Variants in KANSL1 observed in about 807,000 individuals in gnomAD.
The protein encoded by KANSL1 is MLL1/MLL complex subunit KANSL1.
KANSL1 carries 22 observed loss-of-function variants against 103.6 expected under a neutral mutation model. That is an observed-to-expected ratio of 0.21 (90% CI 0.15 to 0.30). KANSL1 has a LOEUF of 0.30. Among genes scored for constraint, KANSL1 ranks in the 10% least tolerant of loss-of-function variants. The pLI is 1.00. For missense variants in KANSL1, 1,337 were observed against 1,399.8 expected (o/e 0.96, Z 0.72); for synonymous variants, 600 against 527.6 (o/e 1.14, Z -1.88).
At chr17:46,117,340 T>C (rs2043088069) in intron 2 of KANSL1, among the ~76,000 whole-genome samples, 1 of 152,212 alleles carries the variant, frequency 6.6e-6, no homozygotes, top group African/African-American at 2.4e-5. Flanking sequence ...GACTTATGGG[T>C]GAAGAAACTA....
chr17:46,114,901 T>C (rs2042977170), intron 2 of KANSL1, among the ~76,000 whole-genome samples: 1 of 152,226 alleles, frequency 6.6e-6, no homozygotes, highest in Non-Finnish European at 1.5e-5. Flanking sequence ...TAGATGAGGT[T>C]TAGAACAATT....
chr17:46,079,607 T>C (rs2078909967), intron 4 of KANSL1, among the ~76,000 whole-genome samples: 1 of 152,234 alleles, frequency 6.6e-6, no homozygotes, highest in South Asian at 2.1e-4. Context: ...TTCCTTTTTA[T>C]CTGGTATTAA....
intron 2 of KANSL1, among the ~76,000 whole-genome samples, chr17:46,139,061 G>A (rs2044290395): frequency 6.6e-6 from 1 of 152,142 alleles, no homozygotes; most frequent in Non-Finnish European, 1.5e-5. Context: ...AGAAACTAGT[G>A]CCAATTCATT....
At chr17:46,102,257 C>CT (rs372702592) in intron 2 of KANSL1, among the ~76,000 whole-genome samples, 2,901 of 150,236 alleles carry the variant, frequency 0.019, 94 homozygotes, top group African/African-American at 0.065. Flanking sequence ...AGAGCCAATA[C>CT]TTTTTTTTTT....
intron 3 of KANSL1, among the ~76,000 whole-genome samples, chr17:46,086,559 G>A (rs8070647): frequency 0.029 from 4,369 of 152,160 alleles, 219 homozygotes; most frequent in African/African-American, 0.1. Flanking sequence ...CTAATACTGC[G>A]GCAAAGAAAA....
At chr17:46,160,964 A>C (rs2045703807) in intron 2 of KANSL1, among the ~76,000 whole-genome samples, 1 of 152,214 alleles carries the variant, frequency 6.6e-6, no homozygotes, top group Non-Finnish European at 1.5e-5. Context: ...GTAAAATTAA[A>C]ATTATCTATC....
chr17:46,217,065 A>C (rs576829319), intron 1 of KANSL1, among the ~76,000 whole-genome samples: 1 of 151,270 alleles, frequency 6.6e-6, no homozygotes, highest in African/African-American at 2.4e-5. Context: ...CAGTGATCCA[A>C]GTGCCACTGC....
intron 1 of KANSL1, among the ~76,000 whole-genome samples, chr17:46,203,830 A>G (rs1337879524): frequency 1.3e-5 from 2 of 152,270 alleles, no homozygotes; most frequent in Non-Finnish European, 2.9e-5. Flanking sequence ...GTAAGGATCT[A>G]AAGTTCTATA....
At chr17:46,066,816 C>T in intron 5 of KANSL1, 84 bp from the exon 6 acceptor site, 1 of 961,704 alleles carries the variant, frequency 1.0e-6, no homozygotes, top group Non-Finnish European at 1.5e-6. Flanking sequence ...AGAAACAAAG[C>T]CTCTTATACT....
intron 2 of KANSL1, among the ~76,000 whole-genome samples, chr17:46,120,469 T>A (rs1023603288): frequency 6.6e-6 from 1 of 152,178 alleles, no homozygotes; most frequent in African/African-American, 2.4e-5. Context: ...GGAGGTCTAC[T>A]GTGGATATAT....
chr17:46,133,747 C>T (rs763104334), intron 2 of KANSL1, among the ~76,000 whole-genome samples: 19 of 152,120 alleles, frequency 1.2e-4, no homozygotes, highest in African/African-American at 3.6e-4. Flanking sequence ...GGTAGGGGCG[C>T]GACTCATGAA....
At chr17:46,099,555 A>G (rs924087911) in intron 2 of KANSL1, among the ~76,000 whole-genome samples, 8 of 152,248 alleles carry the variant, frequency 5.3e-5, no homozygotes, top group African/African-American at 1.7e-4. Flanking sequence ...TACTTTAAAT[A>G]CAATGAGGAC....
intron 6 of KANSL1, among the ~76,000 whole-genome samples, chr17:46,061,956 G>A (rs2078173711): frequency 6.6e-6 from 1 of 151,908 alleles, no homozygotes; most frequent in Admixed American, 6.6e-5. Flanking sequence ...GCCAGGCGTC[G>A]TCGTGGGTGC....
chr17:46,130,627 C>T (rs1038927126), intron 2 of KANSL1, among the ~76,000 whole-genome samples: 2 of 152,128 alleles, frequency 1.3e-5, no homozygotes. Context: ...ATTTTTTAAC[C>T]GAACACTACA....
intron 2 of KANSL1, among the ~76,000 whole-genome samples, chr17:46,163,704 AC>A (rs1444818162): frequency 6.6e-6 from 1 of 152,122 alleles, no homozygotes; most frequent in African/African-American, 2.4e-5. Flanking sequence ...AACTTCAATC[AC>A]CTATGATGAT....
intron 6 of KANSL1, among the ~76,000 whole-genome samples, chr17:46,060,700 T>C (rs747318254): frequency 2.0e-5 from 3 of 152,208 alleles, no homozygotes; most frequent in Non-Finnish European, 2.9e-5. Context: ...TCCTCAACCA[T>C]GGTGTCATGA....
At chr17:46,102,172 CA>C (rs1479235325) in intron 2 of KANSL1, among the ~76,000 whole-genome samples, 2 of 152,356 alleles carry the variant, frequency 1.3e-5, no homozygotes, top group East Asian at 3.8e-4. Context: ...CGTCTTAACC[CA>C]TTCTCATCTG....
At chr17:46,128,805 T>C (rs561033108) in intron 2 of KANSL1, among the ~76,000 whole-genome samples, 16 of 152,362 alleles carry the variant, frequency 1.1e-4, no homozygotes, top group Non-Finnish European at 2.1e-4. Flanking sequence ...CTCTAGAGCC[T>C]GCAGCTCACG....
At chr17:46,187,227 C>T (rs1252953328) in intron 1 of KANSL1, among the ~76,000 whole-genome samples, 4 of 152,232 alleles carry the variant, frequency 2.6e-5, no homozygotes, top group Non-Finnish European at 5.9e-5. Flanking sequence ...ATCCTAACAA[C>T]AAAATTGTTA....
Sources: gnomAD v4.1 joint callset for allele counts (sites outside exome capture counted in the v4.1 genomes callset) on GRCh38, gnomAD v4.1.1 for gene constraint, MANE v1.5 for transcripts, NCBI Gene and HGNC (gene_info 2026-07-23, HGNC 2026-07-21) for gene names.